The following PDIK1L variants were observed in gnomAD, a reference collection of about 807,000 sequenced individuals.
The protein encoded by PDIK1L is PDLIM1 interacting kinase 1 like.
Under a neutral mutation model 27.1 loss-of-function variants are expected in PDIK1L, and 9 were observed. That is an observed-to-expected ratio of 0.33 (90% CI 0.20 to 0.58). The LOEUF is 0.58. Among genes scored for constraint, PDIK1L ranks in the 20% least tolerant of loss-of-function variants. The pLI, the probability that PDIK1L is intolerant of heterozygous loss-of-function variation, is 0.86. For synonymous variants in PDIK1L, 130 were observed against 141.7 expected, an observed-to-expected ratio of 0.92 and a Z score of 0.59; for missense variants, 216 against 413.2, an observed-to-expected ratio of 0.52 and a Z score of 4.14.
intron 1 of PDIK1L, among the ~76,000 whole-genome samples, chr1:26,113,257 A>C (rs2124467231): frequency 6.6e-6 from 1 of 152,268 alleles, no homozygotes; most frequent in South Asian, 2.1e-4. Context: ...TGGGAGGCCG[A>C]GGCGGGCGGA....
At position 26,122,775 on chromosome 1, in the gene PDIK1L, A is replaced by C; in HGVS notation, c.*198A>C. 1 of 491,666 alleles carries C rather than the reference A, an allele frequency of 2.0e-6. No individual in the cohort carries two copies. Among genetic ancestry groups the C allele is most frequent in the Admixed American group, 4.0e-5 (1 of 25,064 alleles). The allele number at this position is 491,666 out of a possible 1,614,324, so 30.5% of individuals were successfully genotyped here. A position where few individuals can be genotyped will look rare whatever the true frequency, so the allele number is the denominator to read the frequency against. On this transcript the variant is annotated 3_prime_UTR_variant, in exon 3 of 3. Coordinates refer to ENST00000374269, the MANE Select transcript of PDIK1L (RefSeq NM_152835.5). This position sits in a 1 kb window ranked among gnomAD's most constrained non-coding sequence, Gnocchi z 5.4. ...TAGTATGTTTCAAATGTGTATTACC[A>C]ATGTGGGTGTAAATTTTTAAAAAAT...
intron 2 of PDIK1L, among the ~76,000 whole-genome samples, chr1:26,118,855 A>G (rs1389391352): frequency 6.6e-6 from 1 of 152,216 alleles, no homozygotes; most frequent in Non-Finnish European, 1.5e-5. Context: ...GTCCCTATGC[A>G]TGGTATATTC....
chr1:26,118,532 T>C (rs1274882946), intron 2 of PDIK1L, among the ~76,000 whole-genome samples: 1 of 152,250 alleles, frequency 6.6e-6, no homozygotes, highest in African/African-American at 2.4e-5. Flanking sequence ...TGGTATGTTT[T>C]GCTAGCTGAA....
chr1:26,121,745 G>A (rs924126042), intron 2 of PDIK1L, 92 bp from the exon 3 acceptor site: 1 of 1,292,536 alleles, frequency 7.7e-7, no homozygotes, highest in Non-Finnish European at 1.1e-6. Context: ...CTTAAAGGTG[G>A]AGACTGACTT....
At chr1:26,117,100 C>T (rs2087892081) in intron 2 of PDIK1L, among the ~76,000 whole-genome samples, 1 of 139,122 alleles carries the variant, frequency 7.2e-6, no homozygotes, top group African/African-American at 2.7e-5. Context: ...GGTGCGATCT[C>T]GGCTCACTGC....
At chr1:26,118,037 G>A (rs928777120) in intron 2 of PDIK1L, among the ~76,000 whole-genome samples, 2 of 150,840 alleles carry the variant, frequency 1.3e-5, no homozygotes, top group African/African-American at 4.9e-5. Context: ...TCCAGCCTGG[G>A]CAAGAGCCAG....
At chr1:26,113,847 T>C (rs1056629357) in intron 1 of PDIK1L, among the ~76,000 whole-genome samples, 3 of 152,166 alleles carry the variant, frequency 2.0e-5, no homozygotes, top group African/African-American at 2.4e-5. Context: ...TTTGGGGGTG[T>C]ATTTTTAACA....
Position 26,122,136 on chromosome 1 carries a change from AGT to A in PDIK1L, c.586_587del (p.Val196LeufsTer32). 1 of 1,614,128 alleles carries A rather than the reference AGT, an allele frequency of 6.2e-7. No homozygotes were observed. The highest frequency in any genetic ancestry group is 8.5e-7 in the Non-Finnish European group (1 of 1,180,024). On this transcript the variant is annotated frameshift_variant, in exon 3 of 3. Coordinates refer to ENST00000374269, the MANE Select transcript of PDIK1L (RefSeq NM_152835.5). LOFTEE classifies it high-confidence loss of function. The surrounding 1 kb of genome is among the most constrained non-coding windows in gnomAD (Gnocchi z 5.4). ...LKVADFGLSK[V>X]CSASGQNPEE... is the part of the protein sequence containing the mutation. Reference sequence around the variant, plus strand: ...AAGTGGCTGATTTTGGTCTAAGTAAAGTTTGTTCAGCCTCTGGGCAGAACCCA... The same window carrying A: ...AAGTGGCTGATTTTGGTCTAAGTAAATTGTTCAGCCTCTGGGCAGAACCCA...
Position 26,122,156 on chromosome 1 carries a change from A to G in PDIK1L, c.605A>G (p.Gln202Arg). Residue 202 changes from glutamine to arginine, a missense_variant, in exon 3 of 3, where the codon CAG becomes CGG. This residue lies in a region of PDIK1L where 169 missense variants were observed against 366.0 expected (regional missense o/e 0.46). Transcript: ENST00000374269. The surrounding 1 kb of genome is among the most constrained non-coding windows in gnomAD (Gnocchi z 5.4). ...GLSKVCSASG[Q>R]NPEEPVSVNK... ...AGTAAAGTTTGTTCAGCCTCTGGGC[A>G]GAACCCAGAAGAACCTGTCAGTGTA... The G allele has an allele frequency of 6.2e-7, 1 of 1,614,206 alleles. No individual in the cohort carries two copies. The highest frequency in any genetic ancestry group is 8.5e-7 in the Non-Finnish European group (1 of 1,180,026).
At chr1:26,117,032 T>C (rs1392295922) in intron 2 of PDIK1L, among the ~76,000 whole-genome samples, 1 of 104,028 alleles carries the variant, frequency 9.6e-6, no homozygotes, top group Non-Finnish European at 2.1e-5. Context: ...TTTTTTTTTT[T>C]TTTTTTTTTT....
In PDIK1L at chr1:26,114,344, G is replaced by A; in HGVS notation, c.36G>A (p.Arg12=). 6.2e-6 allele frequency: 10 copies of A among 1,613,986 alleles called. No individual in the cohort carries two copies. The highest frequency in any genetic ancestry group is 8.5e-6 in the Non-Finnish European group (10 of 1,179,934). Residue 12 remains arginine, a synonymous_variant, in exon 2 of 3, where the codon CGG becomes CGA. Transcript: ENST00000374269. The surrounding 1 kb of genome is among the most constrained non-coding windows in gnomAD (Gnocchi z 4.8). Reference sequence around the variant, plus strand: ...GCCAGCCAAAGTACGATCTAATACGGGAGGTAGGCCGAGGTAGTTACGGTG... The same window carrying A: ...GCCAGCCAAAGTACGATCTAATACGAGAGGTAGGCCGAGGTAGTTACGGTG... ...VSSQPKYDLI[R]EVGRGSYGVV...
chr1:26,118,368 C>T (rs1436262129), intron 2 of PDIK1L, among the ~76,000 whole-genome samples: 1 of 152,102 alleles, frequency 6.6e-6, no homozygotes, highest in Non-Finnish European at 1.5e-5. Flanking sequence ...GAGTCCAGAT[C>T]CAGCAATTGT....
intron 1 of PDIK1L, among the ~76,000 whole-genome samples, chr1:26,112,146 C>T (rs2087807661): frequency 6.6e-6 from 1 of 152,222 alleles, no homozygotes; most frequent in Admixed American, 6.5e-5. Flanking sequence ...GCAGGGCTGG[C>T]TCCTCAGAGC....
At chr1:26,119,403 GTC>G (rs56711335) in intron 2 of PDIK1L, among the ~76,000 whole-genome samples, 62 of 148,452 alleles carry the variant, frequency 4.2e-4, no homozygotes, top group Non-Finnish European at 4.8e-4. Context: ...GCAAGACCTT[GTC>G]TCTCTCTCTC....
rs2088060869 is a variant in PDIK1L, at chr1:26,125,382, A to G, written c.*2805A>G. The G allele has an allele frequency of 6.6e-6, 1 of 152,668 alleles. No individual in the cohort carries two copies. The highest frequency in any genetic ancestry group is 2.1e-4 in the South Asian group (1 of 4,838). 9.5% of individuals were successfully genotyped at this position (152,668 alleles called of 1,614,324 possible). On this transcript the variant is annotated 3_prime_UTR_variant, in exon 3 of 3. Coordinates refer to ENST00000374269, the MANE Select transcript of PDIK1L (RefSeq NM_152835.5). The stretch of plus-strand genomic sequence containing the variant: ...ATTCACCAGCATGACAAAATGGTCA[A>G]AAAATAAGTCATCAGCACTTAAGAA...
At chr1:26,119,511 G>T (rs1285050028) in intron 2 of PDIK1L, among the ~76,000 whole-genome samples, 3 of 152,004 alleles carry the variant, frequency 2.0e-5, no homozygotes, top group Non-Finnish European at 4.4e-5. Flanking sequence ...AAATTTCCTA[G>T]GCAGAAAAAA....
intron 2 of PDIK1L, among the ~76,000 whole-genome samples, chr1:26,115,581 C>T (rs953423407): frequency 6.6e-6 from 1 of 152,070 alleles, no homozygotes; most frequent in Non-Finnish European, 1.5e-5. Context: ...ACGGGCAGAT[C>T]ACGAGGTCAG....
chr1:26,117,033 T>TC (rs1298913881), intron 2 of PDIK1L, among the ~76,000 whole-genome samples: 1 of 103,736 alleles, frequency 9.6e-6, no homozygotes, highest in Non-Finnish European at 2.1e-5. Context: ...TTTTTTTTTT[T>TC]TTTTTTTTTC....
intron 2 of PDIK1L, among the ~76,000 whole-genome samples, chr1:26,116,485 A>G (rs973960789): frequency 6.6e-6 from 1 of 152,246 alleles, no homozygotes; most frequent in Non-Finnish European, 1.5e-5. Flanking sequence ...ACTGCACTGC[A>G]GCCTGGGTGA....
Sources: allele counts gnomAD v4.1 joint callset (sites outside exome capture counted in the v4.1 genomes callset), GRCh38; gene constraint gnomAD v4.1.1; regional missense constraint gnomAD v4.1.1; non-coding constraint Gnocchi (gnomAD v3.1); transcripts MANE v1.5; gene names NCBI Gene and HGNC (gene_info 2026-07-23, HGNC 2026-07-21).